Variants in HUNK observed in about 807,000 individuals in gnomAD.
HUNK encodes hormonally up-regulated Neu-associated kinase, also known as hormonally up-regulated neu tumor-associated kinase.
A neutral mutation model predicts 61.0 loss-of-function variants in HUNK; 21 were observed. That is an observed-to-expected ratio of 0.34 (90% CI 0.24 to 0.50). The LOEUF (loss-of-function observed/expected upper bound fraction) is 0.50, where lower values mean the gene tolerates loss of function less well. Ranked by LOEUF, HUNK falls within the 20% of genes least tolerant of loss-of-function variation. The pLI is 0.98. For missense variants in HUNK, 772 were observed against 945.7 expected, an observed-to-expected ratio of 0.82 and a Z score of 2.41; for synonymous variants, 371 against 386.1, an observed-to-expected ratio of 0.96 and a Z score of 0.46.
rs751030404 is a variant in HUNK, at chr21:31,998,711, A to G, written c.1672A>G (p.Met558Val). ...PHKEDPLMLD[M>V]VRSFESVDRD... is the part of the protein sequence containing the mutation. The stretch of plus-strand genomic sequence containing the variant: ...CAAGGAAGACCCCCTGATGCTGGAC[A>G]TGGTGCGCTCCTTCGAGTCTGTGGA... The change falls in exon 11 of 11, where the codon ATG (methionine) becomes GTG (valine). Residue 558 changes from methionine to valine, a missense_variant. By Grantham distance (21) the Met-to-Val change is conservative (BLOSUM62 1). Transcript: ENST00000270112. 3 of 1,614,130 alleles carry G rather than the reference A, an allele frequency of 1.9e-6. No homozygotes were observed. Among genetic ancestry groups the G allele is most frequent in the East Asian group, 2.2e-5 (1 of 44,852 alleles).
chr21:31,931,068 C>CAAAAAAAA (rs10673838), intron 2 of HUNK, among the ~76,000 whole-genome samples: 10 of 75,108 alleles, frequency 1.3e-4, no homozygotes, highest in East Asian at 4.1e-4. Context: ...AAGACCTAAC[C>CAAAAAAAA]AAAAAAAAAA....
intron 1 of HUNK, among the ~76,000 whole-genome samples, chr21:31,882,968 T>C (rs1415230659): frequency 2.0e-5 from 3 of 152,180 alleles, no homozygotes; most frequent in Admixed American, 1.3e-4. Flanking sequence ...TGTGTGGAAG[T>C]ATCATGTTGA....
intron 2 of HUNK, among the ~76,000 whole-genome samples, chr21:31,935,522 A>C (rs1307899583): frequency 6.6e-6 from 1 of 152,106 alleles, no homozygotes; most frequent in Non-Finnish European, 1.5e-5. Context: ...ATAAAGAATA[A>C]TTTTAACACC....
Position 32,000,029 on chromosome 21 carries a change from G to A in HUNK, c.*845G>A. 3 of 397,614 alleles carry A rather than the reference G, an allele frequency of 7.5e-6. No homozygotes were observed. Among genetic ancestry groups the A allele is most frequent in the Non-Finnish European group, 1.3e-5 (3 of 225,892 alleles). The allele number at this position is 397,614 out of a possible 1,614,324, so 24.6% of individuals were successfully genotyped here. ...TGACTGTGGTGATTTGCTGAGTGCT[G>A]TGGCCCACAGGCAGGGCAAGTCTCG... On this transcript the variant is annotated 3_prime_UTR_variant, in exon 11 of 11. Coordinates refer to ENST00000270112, the MANE Select transcript of HUNK (RefSeq NM_014586.2).
rs73903706 is a variant in HUNK at position 31,935,287 on chromosome 21, A to G, written c.555-4878A>G. ...TTTAGAGCAGTTTCAGATTTACAGA[A>G]GACTTGCATAGAAACTATGAGAGTT... On this transcript the variant is annotated intron_variant, in intron 2 of 10. Coordinates refer to ENST00000270112, the MANE Select transcript of HUNK (RefSeq NM_014586.2). 8.7e-3 allele frequency among the ~76,000 whole-genome samples: 1,324 copies of G among 152,354 alleles called. 21 individuals are homozygous for G. The highest frequency in any genetic ancestry group is 0.03 in the African/African-American group (1,231 of 41,584).
At chr21:31,966,097 A>G (rs1007221938) in intron 5 of HUNK, among the ~76,000 whole-genome samples, 3 of 152,062 alleles carry the variant, frequency 2.0e-5, no homozygotes, top group Admixed American at 6.5e-5. Flanking sequence ...AGTCTATTGT[A>G]TCATTCTTAT....
In HUNK at chr21:31,995,941, C is replaced by T. The variant is rs141875933; in HGVS notation, c.1479C>T (p.Pro493=). 5.3e-4 allele frequency: 853 copies of T among 1,612,696 alleles called. 2 individuals carry two copies. The African/African-American group carries it at 8.1e-3, about 15-fold the overall frequency. ...GGAAGGCCTCCAAGTCCAGCTTCCC[C>T]GACAAAGGTGGGTCAGCTCTGGGGA... ...KDRKASKSSF[P]DKDSFGCRNI... is the part of the protein sequence containing the mutation. The change falls in exon 10 of 11, where the codon CCC becomes CCT. Residue 493 remains proline, a synonymous_variant. Coordinates refer to ENST00000270112, the MANE Select transcript of HUNK (RefSeq NM_014586.2).
At position 31,983,610 on chromosome 21, in the gene HUNK, G is replaced by A. The variant is rs1438958292; in HGVS notation, c.1257+1G>A. 6.2e-7 allele frequency: 1 copy of A among 1,610,190 alleles called. No homozygotes were observed. The highest frequency in any genetic ancestry group is 1.1e-5 in the South Asian group (1 of 90,970). ...CAGGGCCCCCAAGGAGTCCTATGAG[G>A]TGAGTGACCCCTGAAGCAAACCTCA... On this transcript the variant is annotated splice_donor_variant, in intron 8 of 10. Coordinates refer to ENST00000270112, the MANE Select transcript of HUNK (RefSeq NM_014586.2). LOFTEE classifies it high-confidence loss of function.
chr21:31,962,386 G>T (rs938508483), intron 5 of HUNK, among the ~76,000 whole-genome samples: 12 of 152,126 alleles, frequency 7.9e-5, no homozygotes, highest in East Asian at 7.7e-4. Flanking sequence ...ATAACATCAC[G>T]CAGTCTTAGC....
Position 32,000,259 on chromosome 21 carries a change from C to A in HUNK, c.*1075C>A. Reference sequence around the variant, plus strand: ...AGAACTGGTGCGGCTCAGAGCTCGGCGAGTTTGCTGGGAGCTGGGAGCAGG... The same window carrying A: ...AGAACTGGTGCGGCTCAGAGCTCGGAGAGTTTGCTGGGAGCTGGGAGCAGG... On this transcript the variant is annotated 3_prime_UTR_variant, in exon 11 of 11. Transcript: ENST00000270112. 2.5e-6 allele frequency: 1 copy of A among 399,074 alleles called. No individual in the cohort carries two copies. Among genetic ancestry groups the A allele is most frequent in the East Asian group, 3.6e-5 (1 of 28,088 alleles). The allele number at this position is 399,074 out of a possible 1,614,324, so 24.7% of individuals were successfully genotyped here. A position where few individuals can be genotyped will look rare whatever the true frequency, so the allele number is the denominator to read the frequency against.
Position 31,946,860 on chromosome 21 carries a change from C to T in HUNK, c.746+689C>T, listed in dbSNP as rs565194328. Among the ~76,000 whole-genome samples, 17 of 152,360 alleles carry T rather than the reference C, an allele frequency of 1.1e-4. No individual in the cohort carries two copies. The South Asian group carries it at 3.5e-3, about 32-fold the overall frequency. On this transcript the variant is annotated intron_variant, in intron 4 of 10. Coordinates refer to ENST00000270112, the MANE Select transcript of HUNK (RefSeq NM_014586.2). The stretch of plus-strand genomic sequence containing the variant: ...AAACTCCTGACCTCAGGTGAACCAC[C>T]CGCCTCGGCCTCCCAAAGTGCTGGC...
intron 1 of HUNK, among the ~76,000 whole-genome samples, chr21:31,879,889 G>A (rs998157640): frequency 1.9e-4 from 29 of 152,148 alleles, no homozygotes; most frequent in Admixed American, 1.7e-3. Flanking sequence ...ATTGAAACCC[G>A]TAGATAATCC....
chr21:31,995,508 C>T (rs2053198374), intron 9 of HUNK, among the ~76,000 whole-genome samples: 1 of 152,206 alleles, frequency 6.6e-6, no homozygotes, highest in East Asian at 1.9e-4. Flanking sequence ...GAATGCCCTG[C>T]CCTTGCTGGA....
intron 5 of HUNK, among the ~76,000 whole-genome samples, chr21:31,963,091 C>T (rs574111734): frequency 3.8e-4 from 58 of 152,358 alleles, no homozygotes; most frequent in African/African-American, 1.3e-3. Context: ...TTTATCTCCT[C>T]TCCCTTCCAA....
chr21:31,991,205 A>C (rs989049051), intron 9 of HUNK, among the ~76,000 whole-genome samples: 4 of 151,934 alleles, frequency 2.6e-5, no homozygotes, highest in African/African-American at 7.3e-5. Flanking sequence ...CAATGGCCTA[A>C]TTTATGAACA....
At chr21:31,880,590 C>T (rs1243099953) in intron 1 of HUNK, among the ~76,000 whole-genome samples, 1 of 152,174 alleles carries the variant, frequency 6.6e-6, no homozygotes, top group African/African-American at 2.4e-5. Context: ...TCCTATGTCT[C>T]TTTATAAGGA....
intron 1 of HUNK, among the ~76,000 whole-genome samples, chr21:31,899,709 A>T (rs1228573708): frequency 6.6e-6 from 1 of 151,482 alleles, no homozygotes; most frequent in African/African-American, 2.4e-5. Flanking sequence ...GCTCAGCACC[A>T]TCTTGGTTCC....
Position 32,001,085 on chromosome 21 carries a change from A to G in HUNK, c.*1901A>G, listed in dbSNP as rs1009631588. On this transcript the variant is annotated 3_prime_UTR_variant, in exon 11 of 11. Transcript: ENST00000270112. ...TCAGGAGTTCGAGAGCAGCCTGGGC[A>G]ACATGGTGAAAGCCCGTCTCTACCG... 2.7e-5 allele frequency: 5 copies of G among 187,518 alleles called. No individual in the cohort carries two copies. Among genetic ancestry groups the G allele is most frequent in the African/African-American group, 1.2e-4 (5 of 42,348 alleles). The allele number at this position is 187,518 out of a possible 1,614,324, so 11.6% of individuals were successfully genotyped here.
chr21:31,889,688 CAT>C (rs1040094989), intron 1 of HUNK, among the ~76,000 whole-genome samples: 3 of 152,148 alleles, frequency 2.0e-5, no homozygotes, highest in African/African-American at 4.8e-5. Flanking sequence ...GCCAATTTGA[CAT>C]AATAAAACTT....
Sources: allele counts gnomAD v4.1 joint callset (sites outside exome capture counted in the v4.1 genomes callset), GRCh38; gene constraint gnomAD v4.1.1; transcripts MANE v1.5; gene names NCBI Gene and HGNC (gene_info 2026-07-23, HGNC 2026-07-21).